The following PAIP1 variants were observed in gnomAD, a reference collection of about 807,000 sequenced individuals.
PAIP1 encodes polyadenylate-binding protein-interacting protein 1.
A neutral mutation model predicts 61.3 loss-of-function variants in PAIP1; 16 were observed. That is an observed-to-expected ratio of 0.26 (90% CI 0.18 to 0.40). PAIP1 has a LOEUF of 0.40. Ranked by LOEUF, PAIP1 falls within the 10% of genes least tolerant of loss-of-function variation. The pLI, the probability that PAIP1 is intolerant of heterozygous loss-of-function variation, is 1.00. For synonymous variants in PAIP1, 187 were observed against 226.2 expected (o/e 0.83, Z 1.56); for missense variants, 416 against 600.9 (o/e 0.69, Z 3.22).
chr5:43,535,463 TA>T, intron 7 of PAIP1, 70 bp downstream of exon 7: 1 of 854,556 alleles, frequency 1.2e-6, no homozygotes, highest in Non-Finnish European at 2.0e-6. Context: ...TATAGCAAAT[TA>T]AAAAACAATC....
At chr5:43,544,976 C>T (rs537926119) in intron 3 of PAIP1, among the ~76,000 whole-genome samples, 1 of 152,334 alleles carries the variant, frequency 6.6e-6, no homozygotes, top group African/African-American at 2.4e-5. Context: ...TGCTTAATTT[C>T]ACCCCACTCT....
chr5:43,536,960 A>G lies in PAIP1; in HGVS notation c.847-16T>C, dbSNP rs1400543854. On this transcript the variant is annotated splice_polypyrimidine_tract_variant and intron_variant, in intron 5 of 10. Coordinates refer to ENST00000306846, the MANE Select transcript of PAIP1 (RefSeq NM_006451.5). ...TTCCCTTGATCTTTCGGGACCAAAA[A>G]AAAGAACAAAAGGAATGATGCCAAA... 3.9e-5 allele frequency: 60 copies of G among 1,552,586 alleles called. No homozygotes were observed. The highest frequency in any genetic ancestry group is 5.2e-5 in the Non-Finnish European group (60 of 1,151,720).
At chr5:43,544,137 C>T (rs1023869783) in intron 3 of PAIP1, among the ~76,000 whole-genome samples, 1 of 135,894 alleles carries the variant, frequency 7.4e-6, no homozygotes, top group African/African-American at 2.7e-5. Context: ...AACAAAGCCC[C>T]CATCTTTTTA....
At chr5:43,543,627 G>A (rs1321959121) in intron 3 of PAIP1, among the ~76,000 whole-genome samples, 1 of 151,120 alleles carries the variant, frequency 6.6e-6, no homozygotes, top group Non-Finnish European at 1.5e-5. Flanking sequence ...ACTGGCACAA[G>A]CAACTAACAC....
intron 9 of PAIP1, among the ~76,000 whole-genome samples, chr5:43,532,856 A>C (rs1746996651): frequency 6.6e-6 from 1 of 152,208 alleles, no homozygotes; most frequent in African/African-American, 2.4e-5. Flanking sequence ...AAGAACAAGA[A>C]AACTTCAATA....
chr5:43,541,016 T>C (rs1403776631), intron 4 of PAIP1, among the ~76,000 whole-genome samples: 1 of 151,946 alleles, frequency 6.6e-6, no homozygotes, highest in Non-Finnish European at 1.5e-5. Flanking sequence ...ACAGAAGCTA[T>C]AATTTGTGTT....
At chr5:43,547,602 C>G in intron 3 of PAIP1, 126 bp downstream of exon 3, 1 of 635,680 alleles carries the variant, frequency 1.6e-6, no homozygotes. Context: ...TTAGAACTCC[C>G]GGAAACTATA....
At chr5:43,542,702 T>C (rs905262300) in intron 4 of PAIP1, among the ~76,000 whole-genome samples, 1 of 152,144 alleles carries the variant, frequency 6.6e-6, no homozygotes, top group Non-Finnish European at 1.5e-5. Context: ...TTATTCACTT[T>C]TATTCTAATC....
At chr5:43,540,954 G>A (rs1204535396) in intron 4 of PAIP1, among the ~76,000 whole-genome samples, 3 of 151,966 alleles carry the variant, frequency 2.0e-5, no homozygotes, top group Admixed American at 2.0e-4. Context: ...TGAAAAATAT[G>A]AGTGAGCATT....
chr5:43,555,770 G>GT, intron 2 of PAIP1, 60 bp downstream of exon 2: 2 of 1,418,940 alleles, frequency 1.4e-6, no homozygotes, highest in Non-Finnish European at 1.9e-6. Context: ...GATTAACAAA[G>GT]TAACAACCAC....
chr5:43,540,660 G>A (rs1747363174), intron 4 of PAIP1, among the ~76,000 whole-genome samples: 1 of 152,226 alleles, frequency 6.6e-6, no homozygotes, highest in Non-Finnish European at 1.5e-5. Flanking sequence ...ATTTTTTAAA[G>A]AGGTAGCAGA....
intron 5 of PAIP1, 50 bp from the exon 6 acceptor site, chr5:43,536,994 C>T (rs761436776): frequency 1.4e-6 from 2 of 1,400,110 alleles, no homozygotes; most frequent in Non-Finnish European, 1.9e-6. Context: ...AAATATAATA[C>T]AGATACATAA....
chr5:43,544,019 C>T (rs750199530), intron 3 of PAIP1, among the ~76,000 whole-genome samples: 2 of 151,740 alleles, frequency 1.3e-5, no homozygotes, highest in East Asian at 1.9e-4. Context: ...TAGCATGCAC[C>T]GTAGTCCCAG....
At chr5:43,538,784 G>A (rs2112393245) in intron 5 of PAIP1, 140 bp downstream of exon 5, 1 of 578,806 alleles carries the variant, frequency 1.7e-6, no homozygotes, top group Non-Finnish European at 3.1e-6. Flanking sequence ...ACACTAGCAG[G>A]TGCCGAAACA....
chr5:43,538,892 T>C (rs753724447), intron 5 of PAIP1, 32 bp downstream of exon 5: 2 of 1,074,856 alleles, frequency 1.9e-6, no homozygotes, highest in Non-Finnish European at 2.9e-6. Context: ...TCTCAGGCCT[T>C]GTTAGTACTT....
chr5:43,530,610 C>G (rs527572307), intron 9 of PAIP1, among the ~76,000 whole-genome samples: 1 of 152,342 alleles, frequency 6.6e-6, no homozygotes, highest in East Asian at 1.9e-4. Context: ...CTGTGTCAGT[C>G]TGTATAAAAC....
Position 43,543,035 on chromosome 5 carries a change from T to C in PAIP1, c.703A>G (p.Ser235Gly). 8 of 1,602,974 alleles carry C rather than the reference T, an allele frequency of 5.0e-6. No homozygotes were observed. The highest frequency in any genetic ancestry group is 6.8e-6 in the Non-Finnish European group (8 of 1,170,052). The change falls in exon 4 of 11, where the codon AGT (serine) becomes GGT (glycine). Residue 235 changes from serine to glycine, a missense_variant. Physicochemically the swap from Ser to Gly is moderately conservative, Grantham distance 56. Coordinates refer to ENST00000306846, the MANE Select transcript of PAIP1 (RefSeq NM_006451.5). ...AGTAGCAATTGGCGGAAGTTGCCAC[T>C]CTGTGGGCTAATTGTCAGATGATGG... is the stretch of plus-strand genomic sequence containing the variant. ...LSHHLTISPQ[S>G]GNFRQLLLQR...
At chr5:43,549,676 C>T (rs907290853) in intron 2 of PAIP1, among the ~76,000 whole-genome samples, 5 of 152,034 alleles carry the variant, frequency 3.3e-5, no homozygotes, top group African/African-American at 1.2e-4. Flanking sequence ...CTTCAAATAA[C>T]CATCATTTGG....
At chr5:43,534,997 G>A in intron 7 of PAIP1, 27 bp from the exon 8 acceptor site, 2 of 1,252,466 alleles carry the variant, frequency 1.6e-6, no homozygotes, top group Non-Finnish European at 2.3e-6. Flanking sequence ...AAATGAGTTA[G>A]TGTATCCACC....
Sources: allele counts gnomAD v4.1 joint callset (sites outside exome capture counted in the v4.1 genomes callset), GRCh38; gene constraint gnomAD v4.1.1; transcripts MANE v1.5; gene names NCBI Gene and HGNC (gene_info 2026-07-23, HGNC 2026-07-21).